Variants in NPDC1 observed in about 807,000 individuals in gnomAD.
The protein encoded by NPDC1 is neural proliferation differentiation and control protein 1.
A neutral mutation model predicts 32.5 loss-of-function variants in NPDC1; 18 were observed. The ratio of observed to expected loss-of-function variants is 0.55; its 90% confidence interval spans 0.38 to 0.82. The LOEUF (loss-of-function observed/expected upper bound fraction) is 0.82. Among genes scored for constraint, NPDC1 ranks in the 40% least tolerant of loss-of-function variants. The probability of loss-of-function intolerance (pLI) is 0.00; values close to 1 mark genes in which losing one functional copy is unlikely to be tolerated. For missense variants in NPDC1, 468 were observed against 406.6 expected, an observed-to-expected ratio of 1.15 and a Z score of -1.30; for synonymous variants, 210 against 184.7, an observed-to-expected ratio of 1.14 and a Z score of -1.11.
intron 2 of NPDC1, among the ~76,000 whole-genome samples, chr9:137,041,948 G>A (rs946081397): frequency 6.6e-6 from 1 of 152,246 alleles, no homozygotes; most frequent in Non-Finnish European, 1.5e-5. Flanking sequence ...AGTGAGTGGT[G>A]GAAAAGAGCA....
chr9:137,040,731 A>G lies in NPDC1; in HGVS notation c.563T>C (p.Ile188Thr), dbSNP rs747916254. The change falls in exon 5 of 9, where the codon ATC becomes ACC. Residue 188 changes from isoleucine (I) to threonine (T), a missense_variant. By Grantham distance (89) the Ile-to-Thr change is moderately conservative (BLOSUM62 -1). Coordinates refer to ENST00000371601, the MANE Select transcript of NPDC1 (RefSeq NM_015392.4). ...TGCACCGGCCACACAGAACGCCAGG[A>G]TCAGCACTGCAGGAGGGGGCGTGTG... The part of the protein sequence containing the change: ...GQGDGLALVL[I>T]LAFCVAGAAA... 1 of 1,589,856 alleles carries G rather than the reference A, an allele frequency of 6.3e-7. No individual in the cohort carries two copies. Among genetic ancestry groups the G allele is most frequent in the South Asian group, 1.1e-5 (1 of 88,382 alleles).
chr9:137,040,954 C>T lies in NPDC1; in HGVS notation c.416G>A (p.Gly139Glu). ...AGTGGAGGGGAGGCCCAGCTCCAGC[C>T]CCTGCCCCCGTGCCGAGAAGCCCAG... ...ATLGFSARGQ[G>E]LELGLPSTPG... The change falls in exon 4 of 9, where the codon GGG (glycine) becomes GAG (glutamate). Residue 139 changes from glycine (G) to glutamate (E), a missense_variant. Coordinates refer to ENST00000371601, the MANE Select transcript of NPDC1 (RefSeq NM_015392.4). 6.5e-7 allele frequency: 1 copy of T among 1,548,778 alleles called. No individual in the cohort carries two copies. Among genetic ancestry groups the T allele is most frequent in the Non-Finnish European group, 8.7e-7 (1 of 1,150,784 alleles).
intron 1 of NPDC1, chr9:137,043,494 C>G (rs901395038): frequency 9.8e-6 from 6 of 611,206 alleles, no homozygotes; most frequent in Non-Finnish European, 1.5e-5. Flanking sequence ...CTCTGGGGAG[C>G]AGCAAACGAT....
intron 2 of NPDC1, among the ~76,000 whole-genome samples, chr9:137,042,314 C>T (rs1187493703): frequency 2.7e-5 from 4 of 147,656 alleles, no homozygotes; most frequent in African/African-American, 5.0e-5. Context: ...AGTGCAGTGG[C>T]GCGATCTCGG....
At position 137,040,360 on chromosome 9, in the gene NPDC1, T is replaced by A. The variant is rs959706390; in HGVS notation, c.785A>T (p.Glu262Val). 1.9e-6 allele frequency: 3 copies of A among 1,543,132 alleles called. No homozygotes were observed. Among genetic ancestry groups the A allele is most frequent in the Non-Finnish European group, 1.7e-6 (2 of 1,146,546 alleles). Residue 262 changes from glutamate (E) to valine (V), a missense_variant, in exon 7 of 9, where the codon GAG becomes GTG. Coordinates refer to ENST00000371601, the MANE Select transcript of NPDC1 (RefSeq NM_015392.4). ...QHQRQQMLCL[E>V]RHKEPPKELD... ...CAGTGCCGGGGCGGCCACTCACCGC[T>A]CCAGGCACAGCATCTGTTGCCGTTG...
rs767099914 is a variant in NPDC1 at position 137,040,072 on chromosome 9, GT to G, written c.789-6del. 1 of 777,054 alleles carries G rather than the reference GT, an allele frequency of 1.3e-6. No homozygotes were observed. The highest frequency in any genetic ancestry group is 2.4e-6 in the Non-Finnish European group (1 of 417,632). 48.1% of individuals were successfully genotyped at this position (777,054 alleles called of 1,614,324 possible). On this transcript the variant is annotated splice_polypyrimidine_tract_variant and splice_region_variant and intron_variant, in intron 7 of 8. Transcript: ENST00000371601. ...TCCTTGGGTGGCTCTTTATGCCTGG[GT>G]GGGGGGGGATCGCTGGGTCCTCCCC...
chr9:137,039,942 C>T (rs777502159), intron 8 of NPDC1, 29 bp downstream of exon 8: 15 of 778,570 alleles, frequency 1.9e-5, no homozygotes, highest in South Asian at 5.4e-5. Flanking sequence ...GGAGATGGTT[C>T]GCCCCTCCCT....
chr9:137,041,116 A>T lies in NPDC1; in HGVS notation c.331T>A (p.Ser111Thr), dbSNP rs185452873. 7.3e-6 allele frequency: 11 copies of T among 1,517,016 alleles called. No homozygotes were observed. The highest frequency in any genetic ancestry group is 1.3e-5 in the South Asian group (1 of 76,154). 94.0% of individuals were successfully genotyped at this position (1,517,016 alleles called of 1,614,324 possible). The change falls in exon 3 of 9, where the codon TCT (serine) becomes ACT (threonine). Residue 111 changes from serine to threonine, a missense_variant. Transcript: ENST00000371601. ...FLAQELARKE[S>T]GHSTPPLPKD... The stretch of plus-strand genomic sequence containing the variant: ...GGTAGGGGCGGAGTTGAGTGTCCAG[A>T]CTCCTTCCGGGCAAGCTCCTGGGCC...
Position 137,041,086 on chromosome 9 carries a change from C to T in NPDC1, c.361G>A (p.Asp121Asn). 1 of 1,528,888 alleles carries T rather than the reference C, an allele frequency of 6.5e-7. No homozygotes were observed. Among genetic ancestry groups the T allele is most frequent in the Non-Finnish European group, 8.8e-7 (1 of 1,140,532 alleles). The allele number at this position is 1,528,888 out of a possible 1,614,324, so 94.7% of individuals were successfully genotyped here. A position where few individuals can be genotyped will look rare whatever the true frequency, so the allele number is the denominator to read the frequency against. Residue 121 changes from aspartate (D) to asparagine (N), a missense_variant, in exon 3 of 9, where the codon GAC (aspartate) becomes AAC (asparagine). By Grantham distance (23) the Asp-to-Asn change is conservative (BLOSUM62 1). Coordinates refer to ENST00000371601, the MANE Select transcript of NPDC1 (RefSeq NM_015392.4). ...SGHSTPPLPK[D>N]RQRLPEPATL... ...CCAGGCTCCGGGAGCCGCTGTCGGT[C>T]CTTGGGTAGGGGCGGAGTTGAGTGT...
chr9:137,041,714 C>T (rs1177582532), intron 2 of NPDC1, among the ~76,000 whole-genome samples: 2 of 152,112 alleles, frequency 1.3e-5, no homozygotes, highest in South Asian at 4.1e-4. Context: ...GGAGGTGCAT[C>T]CACACAGACC....
intron 1 of NPDC1, chr9:137,043,672 G>C (rs950770062): frequency 4.9e-6 from 2 of 406,828 alleles, no homozygotes; most frequent in Non-Finnish European, 8.9e-6. Context: ...CAGAACCCAG[G>C]CAGGTCACTC....
At chr9:137,042,551 C>A (rs1832073098) in intron 2 of NPDC1, among the ~76,000 whole-genome samples, 2 of 141,570 alleles carry the variant, frequency 1.4e-5, no homozygotes, top group African/African-American at 5.3e-5. Context: ...GCCACTGCTC[C>A]CGGCCTTCTT....
chr9:137,042,293 G>A (rs1380228756), intron 2 of NPDC1, among the ~76,000 whole-genome samples: 9 of 151,924 alleles, frequency 5.9e-5, no homozygotes, highest in African/African-American at 1.2e-4. Flanking sequence ...TCGCTCTGCC[G>A]CCCAGGCTGG....
chr9:137,042,039 C>G (rs1408102687), intron 2 of NPDC1, among the ~76,000 whole-genome samples: 1 of 152,226 alleles, frequency 6.6e-6, no homozygotes, highest in Non-Finnish European at 1.5e-5. Context: ...GAGAATGGGC[C>G]CTTCCTCTCC....
Position 137,041,052 on chromosome 9 carries a change from G to A in NPDC1, c.385+10C>T, listed in dbSNP as rs766361500. The A allele has an allele frequency of 5.3e-6, 8 of 1,520,174 alleles. No homozygotes were observed. Among genetic ancestry groups the A allele is most frequent in the African/African-American group, 1.4e-5 (1 of 71,664 alleles). The allele number at this position is 1,520,174 out of a possible 1,614,324, so 94.2% of individuals were successfully genotyped here. Reference sequence around the variant, plus strand: ...ACAGGGCCGTGGGGCAGGGGAAGCGGGGGTCTCACCAGGCTCCGGGAGCCG... The same window carrying A: ...ACAGGGCCGTGGGGCAGGGGAAGCGAGGGTCTCACCAGGCTCCGGGAGCCG... On this transcript the variant is annotated intron_variant, in intron 3 of 8. Coordinates refer to ENST00000371601, the MANE Select transcript of NPDC1 (RefSeq NM_015392.4).
In NPDC1 at chr9:137,045,894, G is replaced by A; in HGVS notation, c.96C>T (p.Ala32=). ...GLVLGAALRG[A]AAGHPDVAAC... is the part of the protein sequence containing the mutation. ...CTCGCTCACCCGGGTGGCCGGCGGCGGCTCCACGCAGGGCGGCGCCGAGGA... is the reference window on the plus strand; with the variant it reads ...CTCGCTCACCCGGGTGGCCGGCGGCAGCTCCACGCAGGGCGGCGCCGAGGA... Residue 32 remains alanine, a synonymous_variant, in exon 1 of 9, where the codon GCC becomes GCT. Transcript: ENST00000371601. 1 of 1,121,570 alleles carries A rather than the reference G, an allele frequency of 8.9e-7. No homozygotes were observed. The highest frequency in any genetic ancestry group is 1.1e-6 in the Non-Finnish European group (1 of 918,024). The allele number at this position is 1,121,570 out of a possible 1,614,324, so 69.5% of individuals were successfully genotyped here.
In NPDC1 at chr9:137,039,779, A is replaced by T; in HGVS notation, c.971T>A (p.Leu324Gln). ...CGTCTGTCTGCCTCCAGGTCATGGC[A>T]GTGCAGGCGGTGAGCTGGGGGCCGG... is the stretch of plus-strand genomic sequence containing the variant. ...PLPAPSSPPA[L>Q]P is the part of the protein sequence containing the mutation. Residue 324 changes from leucine to glutamine, a missense_variant, in exon 9 of 9, where the codon CTG (leucine) becomes CAG (glutamine). Leu to Gln is a moderately radical substitution (Grantham distance 113). Transcript: ENST00000371601. The T allele has an allele frequency of 2.6e-6, 2 of 772,744 alleles. No individual in the cohort carries two copies. Among genetic ancestry groups the T allele is most frequent in the Non-Finnish European group, 4.8e-6 (2 of 414,230 alleles). 47.9% of individuals were successfully genotyped at this position (772,744 alleles called of 1,614,324 possible). A position where few individuals can be genotyped will look rare whatever the true frequency, so the allele number is the denominator to read the frequency against.
intron 7 of NPDC1, 130 bp from the exon 8 acceptor site, chr9:137,040,197 G>A (rs1832024778): frequency 2.7e-6 from 2 of 735,432 alleles, no homozygotes; most frequent in East Asian, 5.4e-5. Flanking sequence ...AAGTTGGCCA[G>A]GGGAGGTGAG....
intron 2 of NPDC1, 149 bp from the exon 3 acceptor site, chr9:137,041,336 C>G: frequency 1.1e-6 from 1 of 923,788 alleles, no homozygotes; most frequent in Non-Finnish European, 1.4e-6. Flanking sequence ...GCCATGGTGA[C>G]AGCGCGGGCG....
Sources: gnomAD v4.1 joint callset for allele counts (sites outside exome capture counted in the v4.1 genomes callset) on GRCh38, gnomAD v4.1.1 for gene constraint, MANE v1.5 for transcripts, NCBI Gene and HGNC (gene_info 2026-07-23, HGNC 2026-07-21) for gene names.